Variants in SMOC2 observed in about 807,000 individuals in gnomAD.
SMOC2 encodes SPARC related modular calcium binding 2.
SMOC2 carries 39 observed loss-of-function variants against 61.4 expected under a neutral mutation model. The ratio of observed to expected loss-of-function variants is 0.64; its 90% CI spans 0.49 to 0.83. The LOEUF is 0.83. SMOC2 is among the 40% of genes least tolerant of loss of function. SMOC2 has a pLI of 0.00. For missense variants in SMOC2, 556 were observed against 592.9 expected, an observed-to-expected ratio of 0.94 and a Z score of 0.65; for synonymous variants, 247 against 239.9, an observed-to-expected ratio of 1.03 and a Z score of -0.27.
At chr6:168,541,569 G>C (rs1783879458) in intron 4 of SMOC2, among the ~76,000 whole-genome samples, 1 of 152,106 alleles carries the variant, frequency 6.6e-6, no homozygotes, top group South Asian at 2.1e-4. Context: ...TTCCCATCCT[G>C]GAGGCCAGGA....
At chr6:168,663,855 G>T (rs1787584601) in intron 11 of SMOC2, among the ~76,000 whole-genome samples, 1 of 152,124 alleles carries the variant, frequency 6.6e-6, no homozygotes, top group African/African-American at 2.4e-5. Context: ...TAATATATAA[G>T]AAGCTTGAGA....
chr6:168,519,680 G>T (rs779006382), intron 2 of SMOC2, among the ~76,000 whole-genome samples: 1 of 152,144 alleles, frequency 6.6e-6, no homozygotes, highest in Non-Finnish European at 1.5e-5. Context: ...GGGCCTCTCC[G>T]CACAGCCTAG....
rs3065283 is a variant in SMOC2 at position 168,516,376 on chromosome 6, CAA to C, written c.256+6303_256+6304del. On this transcript the variant is annotated intron_variant, in intron 2 of 12. Transcript: ENST00000356284. ...AATCTCTGGCATTCCATAGAAAAGC[CAA>C]AAAAAAAAAAAAGCCAAATGCCAGG... Among the ~76,000 whole-genome samples the C allele has an allele frequency of 3.4e-3, 458 of 134,018 alleles. 7 individuals carry two copies. The South Asian group carries it at 0.034, about 10-fold the overall frequency. The allele number at this position is 134,018 out of a possible 152,430, so 87.9% of individuals were successfully genotyped here.
intron 1 of SMOC2, among the ~76,000 whole-genome samples, chr6:168,492,891 T>A (rs1158831892): frequency 6.6e-6 from 1 of 152,232 alleles, no homozygotes; most frequent in East Asian, 1.9e-4. Context: ...TTTGTTAGGA[T>A]CGAATGGAAT....
chr6:168,655,778 G>A (rs1787307050), intron 11 of SMOC2, among the ~76,000 whole-genome samples: 2 of 152,220 alleles, frequency 1.3e-5, no homozygotes, highest in Non-Finnish European at 2.9e-5. Context: ...CACTGCACAT[G>A]TGTGCCAGAT....
chr6:168,509,390 C>T (rs1782952999), intron 1 of SMOC2, among the ~76,000 whole-genome samples: 1 of 152,114 alleles, frequency 6.6e-6, no homozygotes, highest in Non-Finnish European at 1.5e-5. Context: ...CAGTCTAGTC[C>T]AATTGAATGT....
chr6:168,488,594 C>T (rs1400350056), intron 1 of SMOC2, among the ~76,000 whole-genome samples: 2 of 152,232 alleles, frequency 1.3e-5, no homozygotes, highest in Non-Finnish European at 2.9e-5. Flanking sequence ...AACATTTTCG[C>T]AGGAGGCAGA....
chr6:168,515,740 C>CAAA (rs1350672444), intron 2 of SMOC2, among the ~76,000 whole-genome samples: 2 of 94,326 alleles, frequency 2.1e-5, no homozygotes. Context: ...CATAGGGGCT[C>CAAA]CTGGGGAGCA....
At chr6:168,547,003 T>C (rs892329129) in intron 5 of SMOC2, 116 bp from the exon 6 acceptor site, 1 of 1,241,774 alleles carries the variant, frequency 8.1e-7, no homozygotes, top group Non-Finnish European at 1.2e-6. Context: ...GGGTTGCTGT[T>C]GTGGTTGATC....
intron 2 of SMOC2, among the ~76,000 whole-genome samples, chr6:168,518,971 G>A (rs1055206686): frequency 1.3e-5 from 2 of 150,160 alleles, no homozygotes; most frequent in African/African-American, 4.9e-5. Flanking sequence ...CCGTGCACGC[G>A]TGTGTATGCA....
chr6:168,502,832 T>G (rs1351625163), intron 1 of SMOC2, among the ~76,000 whole-genome samples: 1 of 152,062 alleles, frequency 6.6e-6, no homozygotes, highest in Non-Finnish European at 1.5e-5. Context: ...AGTGGCACAA[T>G]CTTGGCTCAC....
chr6:168,643,499 T>G (rs1053447166), intron 9 of SMOC2, among the ~76,000 whole-genome samples: 2 of 152,036 alleles, frequency 1.3e-5, no homozygotes, highest in Non-Finnish European at 2.9e-5. Context: ...CCCCCAGCAC[T>G]CTCCTCCCTG....
At chr6:168,575,474 G>A (rs1317932241) in intron 7 of SMOC2, among the ~76,000 whole-genome samples, 1 of 152,152 alleles carries the variant, frequency 6.6e-6, no homozygotes, top group Non-Finnish European at 1.5e-5. Context: ...TGGGGACCCT[G>A]CAAACAGCCA....
chr6:168,625,359 G>A (rs370273360), intron 9 of SMOC2, among the ~76,000 whole-genome samples: 2 of 152,186 alleles, frequency 1.3e-5, no homozygotes, highest in Admixed American at 6.5e-5. Context: ...ATGTGGGAAC[G>A]CTGGAGCAGG....
chr6:168,534,384 C>G (rs369057414), intron 4 of SMOC2, among the ~76,000 whole-genome samples: 2 of 152,160 alleles, frequency 1.3e-5, no homozygotes, highest in African/African-American at 4.8e-5. Flanking sequence ...TAGGTTTAGT[C>G]TGACAAGCCG....
chr6:168,548,906 A>G (rs759272322), intron 6 of SMOC2, among the ~76,000 whole-genome samples: 3 of 152,236 alleles, frequency 2.0e-5, no homozygotes, highest in East Asian at 1.9e-4. Context: ...GCTTTTAACT[A>G]TACTTTTGGA....
chr6:168,478,155 G>A (rs766306894), intron 1 of SMOC2, among the ~76,000 whole-genome samples: 4 of 152,090 alleles, frequency 2.6e-5, no homozygotes, highest in Non-Finnish European at 4.4e-5. Flanking sequence ...ATTCCCAAAC[G>A]TTAGGGTGAT....
At chr6:168,502,496 G>A (rs1366296206) in intron 1 of SMOC2, among the ~76,000 whole-genome samples, 2 of 152,228 alleles carry the variant, frequency 1.3e-5, no homozygotes, top group Admixed American at 1.3e-4. Context: ...TAGTCATGCA[G>A]ATTAAAACAA....
intron 7 of SMOC2, among the ~76,000 whole-genome samples, chr6:168,554,159 A>G (rs1288668653): frequency 6.6e-6 from 1 of 152,172 alleles, no homozygotes; most frequent in African/African-American, 2.4e-5. Flanking sequence ...CCCCTTCCCC[A>G]CCAGGTATCC....
Sources: allele counts gnomAD v4.1 joint callset (sites outside exome capture counted in the v4.1 genomes callset), GRCh38; gene constraint gnomAD v4.1.1; transcripts MANE v1.5; gene names NCBI Gene and HGNC (gene_info 2026-07-23, HGNC 2026-07-21).